Variants in MGAT4C observed in about 807,000 individuals in gnomAD.
MGAT4C encodes the protein alpha-1,3-mannosyl-glycoprotein 4-beta-N-acetylglucosaminyltransferase C.
MGAT4C carries 19 observed loss-of-function variants against 40.1 expected under a neutral mutation model. That is an observed-to-expected ratio of 0.47 (90% CI 0.33 to 0.70). The LOEUF (loss-of-function observed/expected upper bound fraction) is 0.70. Ranked by LOEUF, MGAT4C falls within the 30% of genes least tolerant of loss-of-function variation. MGAT4C has a pLI of 0.02. For synonymous variants in MGAT4C, 181 were observed against 187.1 expected, an observed-to-expected ratio of 0.97 and a Z score of 0.27; for missense variants, 491 against 563.2, an observed-to-expected ratio of 0.87 and a Z score of 1.30.
chr12:86,058,791 CTAATT>C (rs1300014033), intron 1 of MGAT4C, among the ~76,000 whole-genome samples: 1 of 151,928 alleles, frequency 6.6e-6, no homozygotes, highest in East Asian at 1.9e-4. Context: ...GCTTGAACAT[CTAATT>C]TATTATTTTA....
chr12:86,082,234 A>C (rs933853182), intron 1 of MGAT4C, among the ~76,000 whole-genome samples: 2 of 152,190 alleles, frequency 1.3e-5, no homozygotes, highest in African/African-American at 4.8e-5. Flanking sequence ...AGTCTAGATG[A>C]CCTTAAGTGA....
chr12:86,581,890 T>A (rs142187918), intron 2 of MGAT4C, among the ~76,000 whole-genome samples: 258 of 151,572 alleles, frequency 1.7e-3, no homozygotes, highest in African/African-American at 5.9e-3. Context: ...TCACCTTTTA[T>A]GATTAATCTT....
At chr12:86,405,341 G>C (rs968367438) in intron 3 of MGAT4C, among the ~76,000 whole-genome samples, 11 of 151,942 alleles carry the variant, frequency 7.2e-5, no homozygotes, top group African/African-American at 2.4e-4. Context: ...TTATATGCCA[G>C]CAATGAACTA....
At chr12:86,735,098 A>T (rs1950964858) in intron 1 of MGAT4C, among the ~76,000 whole-genome samples, 1 of 151,978 alleles carries the variant, frequency 6.6e-6, no homozygotes, top group East Asian at 1.9e-4. Context: ...TCTACTTAGG[A>T]TGCTTTGCTA....
intron 3 of MGAT4C, among the ~76,000 whole-genome samples, chr12:86,358,220 A>T (rs1195239341): frequency 6.6e-6 from 1 of 152,192 alleles, no homozygotes; most frequent in Non-Finnish European, 1.5e-5. Context: ...TTTCATATCC[A>T]GCCAAACTAA....
At chr12:86,376,286 C>G (rs942911727) in intron 3 of MGAT4C, among the ~76,000 whole-genome samples, 2 of 150,976 alleles carry the variant, frequency 1.3e-5, no homozygotes, top group Non-Finnish European at 2.9e-5. Context: ...AGCTACCCAG[C>G]AGGCTCAAAG....
intron 1 of MGAT4C, among the ~76,000 whole-genome samples, chr12:86,808,414 CA>C (rs1384082051): frequency 6.6e-6 from 1 of 152,064 alleles, no homozygotes; most frequent in Non-Finnish European, 1.5e-5. Context: ...AGCAGCCCAT[CA>C]AAAAGCTTGT....
chr12:86,162,842 G>C (rs1368435300), intron 1 of MGAT4C, among the ~76,000 whole-genome samples: 1 of 152,004 alleles, frequency 6.6e-6, no homozygotes, highest in African/African-American at 2.4e-5. Context: ...AAAATAATTG[G>C]AAGTTTCTCC....
At chr12:86,456,865 G>C (rs984293175) in intron 2 of MGAT4C, among the ~76,000 whole-genome samples, 1 of 152,026 alleles carries the variant, frequency 6.6e-6, no homozygotes, top group Non-Finnish European at 1.5e-5. Flanking sequence ...TGTCAGGAAG[G>C]GCTATCAGAA....
chr12:86,757,342 G>T (rs1032555847), intron 1 of MGAT4C, among the ~76,000 whole-genome samples: 11 of 152,092 alleles, frequency 7.2e-5, no homozygotes, highest in African/African-American at 2.4e-4. Context: ...TTCTGCATAT[G>T]TACCCCAGAA....
At chr12:85,980,700 A>T (rs1263360591) in intron 4 of MGAT4C, among the ~76,000 whole-genome samples, 1 of 152,172 alleles carries the variant, frequency 6.6e-6, no homozygotes, top group African/African-American at 2.4e-5. Flanking sequence ...ACATTTACTG[A>T]TGAAATTCTA....
intron 1 of MGAT4C, among the ~76,000 whole-genome samples, chr12:86,127,781 C>T (rs994101864): frequency 2.6e-5 from 4 of 152,130 alleles, no homozygotes; most frequent in Non-Finnish European, 4.4e-5. Context: ...GGATCATCTA[C>T]GCAGTGTTTT....
At chr12:86,635,650 A>G (rs1963195474) in intron 2 of MGAT4C, among the ~76,000 whole-genome samples, 1 of 147,992 alleles carries the variant, frequency 6.8e-6, no homozygotes, top group Non-Finnish European at 1.5e-5. Flanking sequence ...TACCTTTTCT[A>G]TATACATTGT....
At chr12:86,487,753 C>T (rs1196945952) in intron 2 of MGAT4C, among the ~76,000 whole-genome samples, 1 of 152,110 alleles carries the variant, frequency 6.6e-6, no homozygotes, top group Non-Finnish European at 1.5e-5. Flanking sequence ...ATTCTAAATA[C>T]TATTCTTTCC....
intron 2 of MGAT4C, among the ~76,000 whole-genome samples, chr12:86,573,757 T>C (rs1317688818): frequency 6.6e-6 from 1 of 152,036 alleles, no homozygotes; most frequent in East Asian, 1.9e-4. Flanking sequence ...TTAAATTGGC[T>C]TGTTAGAATT....
chr12:86,040,083 T>C (rs1267702928), intron 2 of MGAT4C, among the ~76,000 whole-genome samples: 1 of 152,182 alleles, frequency 6.6e-6, no homozygotes, highest in African/African-American at 2.4e-5. Flanking sequence ...TTGCTGCCTA[T>C]TCCTTCCTCT....
In MGAT4C at chr12:86,502,920, T is replaced by TATATATATATATGAGTTCTGCTC. The variant is rs1958384917; in HGVS notation, c.-228-67656_-228-67655insGAGCAGAACTCATATATATATAT. ...TATATATATATATGAGTTCTGCTCA[T>TATATATATATATGAGTTCTGCTC]ATATATATATATATGAGTTCTGCTC... is the stretch of plus-strand genomic sequence containing the variant. On this transcript the variant is annotated intron_variant, in intron 2 of 7. Transcript: ENST00000548651. Among the ~76,000 whole-genome samples the TATATATATATATGAGTTCTGCTC allele has an allele frequency of 1.6e-3, 2 of 1,288 alleles. 1 individual carries two copies. The highest frequency in any genetic ancestry group is 0.019 in the Admixed American group (2 of 108). The allele number at this position is 1,288 out of a possible 152,430, so 0.8% of individuals were successfully genotyped here. A position where few individuals can be genotyped will look rare whatever the true frequency, so the allele number is the denominator to read the frequency against.
intron 2 of MGAT4C, among the ~76,000 whole-genome samples, chr12:86,570,306 A>AT (rs1960310537): frequency 1.9e-4 from 9 of 47,202 alleles, no homozygotes; most frequent in Non-Finnish European, 3.2e-4. Flanking sequence ...ACAAATATAT[A>AT]ATATTTGTCA....
rs569766355 is a variant in MGAT4C at position 86,696,856 on chromosome 12, G to T, written c.-229+30353C>A. ...TGCTTTTAGTGTGAAGACAAAATCAGATTTCAAATCTATAAGTAAGAAAGC... is the reference window on the plus strand; with the variant it reads ...TGCTTTTAGTGTGAAGACAAAATCATATTTCAAATCTATAAGTAAGAAAGC... On this transcript the variant is annotated intron_variant, in intron 2 of 7. Transcript: ENST00000548651. 5.3e-5 allele frequency among the ~76,000 whole-genome samples: 8 copies of T among 152,108 alleles called. No homozygotes were observed. The South Asian group carries it at 1.7e-3, about 32-fold the overall frequency.
Sources: allele counts gnomAD v4.1 joint callset (sites outside exome capture counted in the v4.1 genomes callset), GRCh38; gene constraint gnomAD v4.1.1; transcripts MANE v1.5; gene names NCBI Gene and HGNC (gene_info 2026-07-23, HGNC 2026-07-21).